POU2F1: variants seen among roughly 807,000 people sequenced by gnomAD.
The protein encoded by POU2F1 is POU domain, class 2, transcription factor 1.
Under a neutral mutation model 84.9 loss-of-function variants are expected in POU2F1, and 16 were observed. The ratio of observed to expected loss-of-function variants is 0.19; its 90% confidence interval spans 0.13 to 0.29. The LOEUF (loss-of-function observed/expected upper bound fraction) is 0.29, where lower values mean the gene tolerates loss of function less well. POU2F1 is among the 10% of genes least tolerant of loss of function. The pLI is 1.00. For missense variants in POU2F1, 738 were observed against 942.6 expected (o/e 0.78, Z 2.84); for synonymous variants, 368 against 368.3 (o/e 1.00, Z 0.01).
intron 1 of POU2F1, among the ~76,000 whole-genome samples, chr1:167,315,397 G>A (rs1655810421): frequency 6.6e-6 from 1 of 152,054 alleles, no homozygotes; most frequent in Admixed American, 6.6e-5. Context: ...TACCTCCTAT[G>A]TACGAATGTT....
At chr1:167,341,562 A>G (rs1657856292) in intron 2 of POU2F1, among the ~76,000 whole-genome samples, 1 of 152,044 alleles carries the variant, frequency 6.6e-6, no homozygotes, top group Non-Finnish European at 1.5e-5. Context: ...GGCTGCCCAC[A>G]CTCAAACCTC....
intron 1 of POU2F1, among the ~76,000 whole-genome samples, chr1:167,324,427 GT>G (rs766106160): frequency 6.8e-6 from 1 of 147,098 alleles, no homozygotes; most frequent in Admixed American, 6.7e-5. Context: ...AATCTTTTGA[GT>G]TTTTTATCCA....
intron 7 of POU2F1, among the ~76,000 whole-genome samples, chr1:167,381,603 C>CTTTTTT (rs147770215): frequency 9.1e-5 from 6 of 66,002 alleles, no homozygotes; most frequent in Admixed American, 2.1e-4. Context: ...GCTCTCTTCT[C>CTTTTTT]TTTTTTTTTT....
rs1172353698 is a variant in POU2F1 at position 167,220,917 on chromosome 1, C to T, written c.20C>T (p.Ala7Val). 3 of 1,535,018 alleles carry T rather than the reference C, an allele frequency of 2.0e-6. No individual in the cohort carries two copies. The highest frequency in any genetic ancestry group is 1.8e-4 in the Middle Eastern group (1 of 5,476). ...TTCAAAATGGCGGACGGAGGAGCAGCGAGTCAAGATGAGAGTTCAGCCGCG... is the reference window on the plus strand; with the variant it reads ...TTCAAAATGGCGGACGGAGGAGCAGTGAGTCAAGATGAGAGTTCAGCCGCG... MADGGA[A>V]SQDESSAAAA... The change falls in exon 1 of 16, where the codon GCG becomes GTG. Residue 7 changes from alanine to valine, a missense_variant. Ala to Val is a moderately conservative substitution (Grantham distance 64). Transcript: ENST00000367866.
At chr1:167,253,301 G>T (rs1229782835) in intron 1 of POU2F1, among the ~76,000 whole-genome samples, 1 of 147,982 alleles carries the variant, frequency 6.8e-6, no homozygotes, top group East Asian at 1.9e-4. Flanking sequence ...TGTGAATCCT[G>T]TAATCATTTA....
chr1:167,329,380 A>G, intron 1 of POU2F1: 1 of 1,482,142 alleles, frequency 6.7e-7, no homozygotes, highest in African/African-American at 1.4e-5. Context: ...CTATGCATAA[A>G]TGCTTAATCG....
At chr1:167,402,136 T>C (rs984909083) in intron 13 of POU2F1, among the ~76,000 whole-genome samples, 1 of 152,340 alleles carries the variant, frequency 6.6e-6, no homozygotes, top group South Asian at 2.1e-4. Context: ...TGTTTTTTTT[T>C]CCTTTGGCCT....
chr1:167,221,559 G>C (rs1049829669), intron 1 of POU2F1, among the ~76,000 whole-genome samples: 6 of 149,488 alleles, frequency 4.0e-5, no homozygotes, highest in Admixed American at 6.6e-5. Context: ...GGGCCCGGGC[G>C]GGGGGGCGCT....
In POU2F1 at chr1:167,425,724, C is replaced by T. The variant is rs1431940768; in HGVS notation, c.*9914C>T. The stretch of plus-strand genomic sequence containing the variant: ...TTGGCTGCTCTGCTGGGTGCTTTAA[C>T]CTCTGGGGCTGGGCGAATGCACGCC... On this transcript the variant is annotated 3_prime_UTR_variant, in exon 16 of 16. Transcript: ENST00000367866. 1 of 152,296 alleles carries T rather than the reference C, an allele frequency of 6.6e-6. No homozygotes were observed. Among genetic ancestry groups the T allele is most frequent in the African/African-American group, 2.4e-5 (1 of 41,448 alleles). 9.4% of individuals were successfully genotyped at this position (152,296 alleles called of 1,614,324 possible). A position where few individuals can be genotyped will look rare whatever the true frequency, so the allele number is the denominator to read the frequency against.
Position 167,404,838 on chromosome 1 carries a change from T to A in POU2F1, c.1555+3282T>A, listed in dbSNP as rs1264916879. On this transcript the variant is annotated intron_variant, in intron 13 of 15. Coordinates refer to ENST00000367866, the MANE Select transcript of POU2F1 (RefSeq NM_002697.4). Reference sequence around the variant, plus strand: ...TTCTCCACCATCCAGTTTTATCCTTTTTCTCATTTCTGCAAATCTGTCTAA... The same window carrying A: ...TTCTCCACCATCCAGTTTTATCCTTATTCTCATTTCTGCAAATCTGTCTAA... Among the ~76,000 whole-genome samples, 6 of 152,314 alleles carry A rather than the reference T, an allele frequency of 3.9e-5. No homozygotes were observed. The East Asian group carries it at 1.2e-3, about 29-fold the overall frequency.
intron 3 of POU2F1, among the ~76,000 whole-genome samples, chr1:167,369,762 G>C (rs372543215): frequency 6.6e-6 from 1 of 152,082 alleles, no homozygotes; most frequent in Non-Finnish European, 1.5e-5. Flanking sequence ...GGTTCTGATT[G>C]TTTCTAATAA....
chr1:167,333,951 A>G (rs906791111), intron 2 of POU2F1, among the ~76,000 whole-genome samples: 11 of 152,106 alleles, frequency 7.2e-5, no homozygotes, highest in Non-Finnish European at 5.9e-5. Flanking sequence ...AGGGTGGGGC[A>G]GTGGGCAGGA....
At chr1:167,269,483 A>G (rs1557858687) in intron 1 of POU2F1, among the ~76,000 whole-genome samples, 1 of 152,230 alleles carries the variant, frequency 6.6e-6, no homozygotes, top group Non-Finnish European at 1.5e-5. Flanking sequence ...AAGAAATCGG[A>G]CAGTTAATAA....
At chr1:167,262,522 TAA>T (rs1179908712) in intron 1 of POU2F1, among the ~76,000 whole-genome samples, 2 of 152,268 alleles carry the variant, frequency 1.3e-5, no homozygotes, top group Non-Finnish European at 1.5e-5. Context: ...TTAAACAGTT[TAA>T]GTTATAAATA....
At chr1:167,249,276 C>G (rs1311585500) in intron 1 of POU2F1, among the ~76,000 whole-genome samples, 2 of 152,142 alleles carry the variant, frequency 1.3e-5, no homozygotes, top group African/African-American at 4.8e-5. Flanking sequence ...TTTTGCTTCC[C>G]CTTATCTCCA....
At chr1:167,320,601 A>G (rs998817474) in intron 1 of POU2F1, among the ~76,000 whole-genome samples, 3 of 152,162 alleles carry the variant, frequency 2.0e-5, no homozygotes, top group African/African-American at 7.2e-5. Flanking sequence ...TAGTTCTCCC[A>G]TTTCCTAGCA....
Position 167,422,762 on chromosome 1 carries a change from A to G in POU2F1, c.*6952A>G, listed in dbSNP as rs1470650675. ...TGGTTTAGATACCAAAGACACTGCT[A>G]ATGTCATTGCTTATCCTTAAGTTTT... On this transcript the variant is annotated 3_prime_UTR_variant, in exon 16 of 16. Transcript: ENST00000367866. The G allele has an allele frequency of 6.6e-6, 1 of 152,200 alleles. No individual in the cohort carries two copies. Among genetic ancestry groups the G allele is most frequent in the Non-Finnish European group, 1.5e-5 (1 of 68,036 alleles). The allele number at this position is 152,200 out of a possible 1,614,324, so 9.4% of individuals were successfully genotyped here. A position where few individuals can be genotyped will look rare whatever the true frequency, so the allele number is the denominator to read the frequency against.
intron 12 of POU2F1, among the ~76,000 whole-genome samples, chr1:167,399,968 C>CTTTTTTT (rs67562017): frequency 1.6e-5 from 1 of 61,376 alleles, no homozygotes; most frequent in Non-Finnish European, 2.7e-5. Context: ...CATTCCCAGT[C>CTTTTTTT]TTTTTTTTTT....
intron 1 of POU2F1, among the ~76,000 whole-genome samples, chr1:167,326,804 T>G (rs914090172): frequency 4.6e-5 from 7 of 152,184 alleles, no homozygotes; most frequent in African/African-American, 1.7e-4. Flanking sequence ...GCAATGATTG[T>G]CTGGCTGCAA....
Sources: allele counts gnomAD v4.1 joint callset (sites outside exome capture counted in the v4.1 genomes callset), GRCh38; gene constraint gnomAD v4.1.1; transcripts MANE v1.5; gene names NCBI Gene and HGNC (gene_info 2026-07-23, HGNC 2026-07-21).